The following CNTNAP2 variants were observed in gnomAD, a reference collection of about 807,000 sequenced individuals.
The protein encoded by CNTNAP2 is contactin associated protein 2.
CNTNAP2 carries 98 observed loss-of-function variants against 155.2 expected under a neutral mutation model. The ratio of observed to expected loss-of-function variants is 0.63; its 90% CI spans 0.54 to 0.75. The LOEUF is 0.75. CNTNAP2 is among the 30% of genes least tolerant of loss of function. The pLI, the probability that CNTNAP2 is intolerant of heterozygous loss-of-function variation, is 0.00. For synonymous variants in CNTNAP2, 651 were observed against 631.2 expected (o/e 1.03, Z -0.47); for missense variants, 1,727 against 1,688.1 (o/e 1.02, Z -0.40).
intron 8 of CNTNAP2, among the ~76,000 whole-genome samples, chr7:147,196,650 C>G (rs980149080): frequency 6.6e-6 from 1 of 152,210 alleles, no homozygotes; most frequent in African/African-American, 2.4e-5. Context: ...TCCTGACAGT[C>G]TTTCATGCCC....
At chr7:148,414,505 A>AT (rs1799932713) in intron 23 of CNTNAP2, among the ~76,000 whole-genome samples, 1 of 45,786 alleles carries the variant, frequency 2.2e-5, no homozygotes, top group South Asian at 8.3e-4. Flanking sequence ...TCATCTGCTC[A>AT]TTCCATGCTC....
intron 10 of CNTNAP2, among the ~76,000 whole-genome samples, chr7:147,415,423 C>T (rs1420959803): frequency 6.6e-6 from 1 of 152,180 alleles, no homozygotes; most frequent in Non-Finnish European, 1.5e-5. Context: ...GAATCATGGG[C>T]ATGGTTTCCC....
intron 1 of CNTNAP2, among the ~76,000 whole-genome samples, chr7:146,191,402 C>A (rs369394487): frequency 6.6e-6 from 1 of 152,078 alleles, no homozygotes; most frequent in African/African-American, 2.4e-5. Flanking sequence ...GGGGACAGAG[C>A]GAGATCAGAG....
At chr7:148,213,504 G>A (rs1304461320) in intron 18 of CNTNAP2, among the ~76,000 whole-genome samples, 2 of 152,020 alleles carry the variant, frequency 1.3e-5, no homozygotes, top group East Asian at 1.9e-4. Context: ...CCTGGTATGC[G>A]TGTCTTCTCT....
intron 11 of CNTNAP2, among the ~76,000 whole-genome samples, chr7:147,542,969 G>A (rs1386438895): frequency 6.6e-6 from 1 of 152,166 alleles, no homozygotes; most frequent in Non-Finnish European, 1.5e-5. Flanking sequence ...ATGATATGCT[G>A]AGACCAGCTC....
chr7:147,260,554 G>A (rs979095933), intron 8 of CNTNAP2, among the ~76,000 whole-genome samples: 4 of 152,228 alleles, frequency 2.6e-5, no homozygotes, highest in East Asian at 3.9e-4. Flanking sequence ...AATTAAATGT[G>A]TACTATCCAC....
At chr7:146,235,952 ATGTGTGTGTGTGTGTG>A (rs34046295) in intron 1 of CNTNAP2, among the ~76,000 whole-genome samples, 1 of 149,406 alleles carries the variant, frequency 6.7e-6, no homozygotes, top group Non-Finnish European at 1.5e-5. Flanking sequence ...ACATATGGAA[ATGTGTGTGTGTGTGTG>A]TGTGTGTGTG....
intron 1 of CNTNAP2, among the ~76,000 whole-genome samples, chr7:146,184,715 T>A (rs1798598370): frequency 2.0e-5 from 3 of 152,162 alleles, no homozygotes; most frequent in Admixed American, 2.0e-4. Flanking sequence ...GAAATGCGTG[T>A]GGCTCAAAGG....
intron 1 of CNTNAP2, among the ~76,000 whole-genome samples, chr7:146,479,935 C>A (rs922260664): frequency 6.6e-6 from 1 of 152,108 alleles, no homozygotes; most frequent in South Asian, 2.1e-4. Context: ...CAGGCGCCCG[C>A]CAACACGCCC....
intron 10 of CNTNAP2, among the ~76,000 whole-genome samples, chr7:147,420,595 T>A (rs929320377): frequency 9.2e-5 from 14 of 152,280 alleles, no homozygotes; most frequent in Admixed American, 8.5e-4. Flanking sequence ...ACAGGTAGCA[T>A]CCCCTTGCCA....
At chr7:147,416,248 C>T (rs1454648354) in intron 10 of CNTNAP2, among the ~76,000 whole-genome samples, 1 of 152,138 alleles carries the variant, frequency 6.6e-6, no homozygotes, top group African/African-American at 2.4e-5. Flanking sequence ...AAGAACATTC[C>T]CATGATTAAG....
chr7:147,609,854 G>C (rs922898731), intron 12 of CNTNAP2, among the ~76,000 whole-genome samples: 6 of 152,080 alleles, frequency 3.9e-5, no homozygotes, highest in African/African-American at 1.4e-4. Context: ...AGGGAAGAAG[G>C]TAGAGTGGAT....
chr7:146,172,946 T>C (rs1401953464), intron 1 of CNTNAP2, among the ~76,000 whole-genome samples: 1 of 152,206 alleles, frequency 6.6e-6, no homozygotes, highest in Non-Finnish European at 1.5e-5. Context: ...TACTAAAGCC[T>C]GCTTAGTTTG....
At position 147,019,396 on chromosome 7, in the gene CNTNAP2, G is replaced by A. The variant is rs1393625428; in HGVS notation, c.403-24511G>A. Reference sequence around the variant, plus strand: ...TTTTTCTCTAGATGTCTCCCAAGTTGGGAGTACTACCAAAATAATTCCCCA... The same window carrying A: ...TTTTTCTCTAGATGTCTCCCAAGTTAGGAGTACTACCAAAATAATTCCCCA... On this transcript the variant is annotated intron_variant, in intron 3 of 23. Coordinates refer to ENST00000361727, the MANE Select transcript of CNTNAP2 (RefSeq NM_014141.6). Among the ~76,000 whole-genome samples the A allele has an allele frequency of 4.0e-5, 6 of 151,878 alleles. 1 individual carries two copies. The highest frequency in any genetic ancestry group is 2.6e-4 in the Admixed American group (4 of 15,226).
intron 17 of CNTNAP2, among the ~76,000 whole-genome samples, chr7:148,147,920 G>A (rs1477533657): frequency 6.6e-6 from 1 of 152,084 alleles, no homozygotes; most frequent in Non-Finnish European, 1.5e-5. Context: ...CCACTCTTGG[G>A]AGCTCACTGT....
chr7:146,438,002 G>A (rs1227200392), intron 1 of CNTNAP2, among the ~76,000 whole-genome samples: 1 of 151,358 alleles, frequency 6.6e-6, no homozygotes, highest in Non-Finnish European at 1.5e-5. Context: ...TTATGGAACA[G>A]AACATCATTG....
intron 14 of CNTNAP2, among the ~76,000 whole-genome samples, chr7:147,947,583 A>G (rs552529430): frequency 2.1e-4 from 32 of 152,042 alleles, no homozygotes; most frequent in Admixed American, 1.8e-3. Flanking sequence ...GTGAGCTATG[A>G]TCGCTCAACT....
chr7:148,147,197 T>C (rs913362353), intron 16 of CNTNAP2, among the ~76,000 whole-genome samples: 2 of 152,218 alleles, frequency 1.3e-5, no homozygotes, highest in Non-Finnish European at 2.9e-5. Flanking sequence ...TTCTCCAGAC[T>C]TCAGTCTCCT....
chr7:147,465,182 A>G (rs1444187348), intron 10 of CNTNAP2, among the ~76,000 whole-genome samples: 1 of 152,224 alleles, frequency 6.6e-6, no homozygotes, highest in Non-Finnish European at 1.5e-5. Context: ...ACAAGAGGAC[A>G]TGGTTGAAAA....
Sources: gnomAD v4.1 joint callset for allele counts (sites outside exome capture counted in the v4.1 genomes callset) on GRCh38, gnomAD v4.1.1 for gene constraint, MANE v1.5 for transcripts, NCBI Gene and HGNC (gene_info 2026-07-23, HGNC 2026-07-21) for gene names.